Variants in RGS7 observed in about 807,000 individuals in gnomAD.
RGS7 encodes regulator of G protein signaling 7, also known as regulator of G-protein signaling 7.
RGS7 carries 27 observed loss-of-function variants against 81.1 expected under a neutral mutation model. The observed-to-expected ratio is 0.33, with a 90% confidence interval of 0.25 to 0.46. The LOEUF (loss-of-function observed/expected upper bound fraction) is 0.46. RGS7 is among the 20% of genes least tolerant of loss of function. The probability of loss-of-function intolerance (pLI) is 1.00; values close to 1 mark genes in which losing one functional copy is unlikely to be tolerated. For missense variants in RGS7, 396 were observed against 607.4 expected (o/e 0.65, Z 3.66); for synonymous variants, 208 against 207.7 (o/e 1.00, Z -0.01).
In RGS7 at chr1:240,837,891, C is replaced by T. The variant is rs75273041; in HGVS notation, c.610-10719G>A. Reference sequence around the variant, plus strand: ...CAAGGGCTTATAATAATTTTTACAACAGATAGCAATGGGACAACTAGGAAA... The same window carrying T: ...CAAGGGCTTATAATAATTTTTACAATAGATAGCAATGGGACAACTAGGAAA... On this transcript the variant is annotated intron_variant, in intron 9 of 18. Coordinates refer to ENST00000440928, the MANE Select transcript of RGS7 (RefSeq NM_001364886.1). 8.7e-3 allele frequency among the ~76,000 whole-genome samples: 1,320 copies of T among 152,254 alleles called. 19 individuals are homozygous for T. The highest frequency in any genetic ancestry group is 0.029 in the African/African-American group (1,202 of 41,548).
chr1:241,123,593 A>G (rs1259189065), intron 2 of RGS7, among the ~76,000 whole-genome samples: 2 of 152,224 alleles, frequency 1.3e-5, no homozygotes, highest in Non-Finnish European at 2.9e-5. Context: ...TCTACTAAAA[A>G]TACAAAAATT....
chr1:241,108,465 C>G (rs917004048), intron 2 of RGS7, among the ~76,000 whole-genome samples: 1 of 152,164 alleles, frequency 6.6e-6, no homozygotes, highest in Admixed American at 6.5e-5. Flanking sequence ...ACATTGCACT[C>G]TTCGGCATGG....
At chr1:240,957,754 G>A (rs1680681351) in intron 4 of RGS7, among the ~76,000 whole-genome samples, 1 of 152,152 alleles carries the variant, frequency 6.6e-6, no homozygotes, top group Admixed American at 6.5e-5. Context: ...CCAATAATGA[G>A]GGAAACTGGG....
At chr1:240,793,586 A>AATATATATATATATATATATATATATAT (rs777839011) in intron 18 of RGS7, among the ~76,000 whole-genome samples, 1 of 102,328 alleles carries the variant, frequency 9.8e-6, no homozygotes, top group African/African-American at 6.2e-5. Flanking sequence ...GTGTAGTAGG[A>AATATATATATATATATATATATATATAT]ATATATATAT....
chr1:241,176,867 G>A lies in RGS7; in HGVS notation c.79-78105C>T, dbSNP rs371296016. ...CTCCTCAGAAATACTGAGGTTGGAC[G>A]TGAGGCACTCTTCAGCAAAAGGACA... On this transcript the variant is annotated intron_variant, in intron 2 of 18. Coordinates refer to ENST00000440928, the MANE Select transcript of RGS7 (RefSeq NM_001364886.1). 1.4e-3 allele frequency among the ~76,000 whole-genome samples: 211 copies of A among 152,232 alleles called. 2 individuals are homozygous for A. Among genetic ancestry groups the A allele is most frequent in the African/African-American group, 4.8e-3 (199 of 41,542 alleles).
At chr1:241,078,346 G>GT (rs2062940338) in intron 3 of RGS7, among the ~76,000 whole-genome samples, 16 of 86,680 alleles carry the variant, frequency 1.8e-4, no homozygotes, top group Non-Finnish European at 2.5e-4. Context: ...TGTGTGTGTG[G>GT]CATAAACTGA....
In RGS7 at chr1:241,308,944, G is replaced by A. The variant is rs546161339; in HGVS notation, c.78+46755C>T. 1.8e-3 allele frequency among the ~76,000 whole-genome samples: 275 copies of A among 152,210 alleles called. 1 individual carries two copies. The highest frequency in any genetic ancestry group is 8.7e-3 in the South Asian group (42 of 4,822). ...TGCCCTCTGTCATCTTCTCTAAACCGAGGACAGCGATCAGCTACGTGAGAG... is the reference window on the plus strand; with the variant it reads ...TGCCCTCTGTCATCTTCTCTAAACCAAGGACAGCGATCAGCTACGTGAGAG... On this transcript the variant is annotated intron_variant, in intron 2 of 18. Transcript: ENST00000440928.
At chr1:241,320,439 A>G (rs1020060795) in intron 2 of RGS7, among the ~76,000 whole-genome samples, 2 of 152,254 alleles carry the variant, frequency 1.3e-5, no homozygotes, top group African/African-American at 4.8e-5. Flanking sequence ...TGAATAAAGA[A>G]ATGAATGAAT....
At chr1:241,003,856 C>A (rs1397503197) in intron 3 of RGS7, among the ~76,000 whole-genome samples, 1 of 152,152 alleles carries the variant, frequency 6.6e-6, no homozygotes, top group African/African-American at 2.4e-5. Flanking sequence ...TCAAGTGATT[C>A]TCCTGCCTCA....
chr1:240,916,301 AGAAAGAGAG>A (rs1672619302), intron 6 of RGS7, among the ~76,000 whole-genome samples: 1 of 151,304 alleles, frequency 6.6e-6, no homozygotes, highest in Admixed American at 6.6e-5. Context: ...AAATAGAGAG[AGAAAGAGAG>A]GACAGAACAG....
chr1:241,171,161 CT>C (rs1315431195), intron 2 of RGS7, among the ~76,000 whole-genome samples: 3 of 152,178 alleles, frequency 2.0e-5, no homozygotes, highest in Admixed American at 2.0e-4. Context: ...AGAAATCTTT[CT>C]GTCCAATGAG....
chr1:241,082,263 CA>C (rs1350735571), intron 3 of RGS7, among the ~76,000 whole-genome samples: 1 of 152,044 alleles, frequency 6.6e-6, no homozygotes, highest in African/African-American at 2.4e-5. Flanking sequence ...CCTCCAGTCC[CA>C]ATAATATTCA....
chr1:240,952,046 C>G (rs1357769397), intron 4 of RGS7, among the ~76,000 whole-genome samples: 3 of 151,986 alleles, frequency 2.0e-5, no homozygotes, highest in Non-Finnish European at 4.4e-5. Context: ...AATTACCCTT[C>G]AAAAGTAGAG....
intron 2 of RGS7, among the ~76,000 whole-genome samples, chr1:241,245,904 A>G (rs1573330463): frequency 1.3e-5 from 2 of 151,992 alleles, no homozygotes; most frequent in East Asian, 3.9e-4. Context: ...GGAGATCAAG[A>G]CCATCCTGGC....
At chr1:240,975,779 T>TA (rs1683976536) in intron 4 of RGS7, among the ~76,000 whole-genome samples, 1 of 152,236 alleles carries the variant, frequency 6.6e-6, no homozygotes, top group South Asian at 2.1e-4. Context: ...TTCTGGAAGA[T>TA]AAATTTTGCA....
chr1:240,831,781 G>A (rs1038635728), intron 9 of RGS7, among the ~76,000 whole-genome samples: 20 of 151,960 alleles, frequency 1.3e-4, no homozygotes, highest in Admixed American at 5.9e-4. Flanking sequence ...GATTACAGGC[G>A]GGTGCCACCA....
rs574754537 is a variant in RGS7 at position 240,901,226 on chromosome 1, G to A, written c.385+29491C>T. ...CCTTGGCTAGGAAAGGGAATTCCCC[G>A]ACCCCTTGTGCTTCCCAGGTGAGGC... is the stretch of plus-strand genomic sequence containing the variant. On this transcript the variant is annotated intron_variant, in intron 6 of 18. Transcript: ENST00000440928. 1.2e-4 allele frequency among the ~76,000 whole-genome samples: 19 copies of A among 152,186 alleles called. No individual in the cohort carries two copies. The East Asian group carries it at 2.3e-3, about 19-fold the overall frequency.
chr1:241,312,129 A>T (rs2080570587), intron 2 of RGS7, among the ~76,000 whole-genome samples: 1 of 152,218 alleles, frequency 6.6e-6, no homozygotes, highest in Non-Finnish European at 1.5e-5. Context: ...TTCTCCAATC[A>T]TTCATCAGAT....
intron 4 of RGS7, among the ~76,000 whole-genome samples, chr1:240,981,327 G>T (rs1050594475): frequency 6.6e-6 from 1 of 152,012 alleles, no homozygotes. Context: ...GGCCAGGCTG[G>T]TCTCGAACTC....
Sources: gnomAD v4.1 joint callset for allele counts (sites outside exome capture counted in the v4.1 genomes callset) on GRCh38, gnomAD v4.1.1 for gene constraint, MANE v1.5 for transcripts, NCBI Gene and HGNC (gene_info 2026-07-23, HGNC 2026-07-21) for gene names.